The following FAM133B variants were observed in gnomAD, a reference collection of about 807,000 sequenced individuals.
The protein encoded by FAM133B is protein FAM133B.
A neutral mutation model predicts 46.4 loss-of-function variants in FAM133B; 25 were observed. That is an observed-to-expected ratio of 0.54 (90% CI 0.39 to 0.75). The LOEUF is 0.75. FAM133B is among the 30% of genes least tolerant of loss of function. FAM133B has a pLI of 0.00. For missense variants in FAM133B, 205 were observed against 277.6 expected (o/e 0.74, Z 1.86); for synonymous variants, 75 against 86.0 (o/e 0.87, Z 0.71).
At chr7:92,565,427 T>G (rs191139962) in intron 10 of FAM133B, 1 of 152,066 alleles carries the variant, frequency 6.6e-6, no homozygotes, top group East Asian at 1.9e-4. Flanking sequence ...GTGCTGGGAT[T>G]ACAGGCGTGA....
chr7:92,587,655 G>C (rs535975133), intron 1 of FAM133B, among the ~76,000 whole-genome samples: 1 of 152,106 alleles, frequency 6.6e-6, no homozygotes, highest in African/African-American at 2.4e-5. Context: ...CATCCCTTGA[G>C]CCTGGGAAGT....
chr7:92,585,073 CAA>C (rs1266945058), intron 1 of FAM133B, among the ~76,000 whole-genome samples: 2 of 152,176 alleles, frequency 1.3e-5, no homozygotes, highest in Non-Finnish European at 2.9e-5. Context: ...CTAACCTAAT[CAA>C]AGAGTATATC....
At position 92,577,597 on chromosome 7, in the gene FAM133B, C is replaced by T; in HGVS notation, c.372+58G>A. On this transcript the variant is annotated intron_variant, in intron 6 of 10. Transcript: ENST00000445716. ...ACAGATATTTCACAATGGGTTTCCA[C>T]TTGACATTAAAGAAATTAAGAGATA... The T allele has an allele frequency of 5.7e-6, 8 of 1,399,512 alleles. No homozygotes were observed. In the African/African-American group the frequency reaches 8.7e-5, roughly 15 times the overall value. The allele number at this position is 1,399,512 out of a possible 1,614,324, so 86.7% of individuals were successfully genotyped here.
At chr7:92,573,925 A>G (rs1794614048) in intron 8 of FAM133B, among the ~76,000 whole-genome samples, 1 of 152,014 alleles carries the variant, frequency 6.6e-6, no homozygotes, top group African/African-American at 2.4e-5. Flanking sequence ...CTCTCCCAGG[A>G]TAAAGTGTAG....
chr7:92,585,685 TAATA>T (rs1293903114), intron 1 of FAM133B, among the ~76,000 whole-genome samples: 1 of 152,162 alleles, frequency 6.6e-6, no homozygotes, highest in Non-Finnish European at 1.5e-5. Flanking sequence ...AGAATTATTT[TAATA>T]AATAACTAAA....
chr7:92,573,424 G>A (rs942633085), intron 8 of FAM133B, among the ~76,000 whole-genome samples: 8 of 150,362 alleles, frequency 5.3e-5, no homozygotes, highest in South Asian at 2.1e-4. Flanking sequence ...CAAAGTGTTC[G>A]GATTATAAGC....
intron 8 of FAM133B, among the ~76,000 whole-genome samples, chr7:92,574,854 G>A (rs900074154): frequency 3.5e-4 from 53 of 150,954 alleles, no homozygotes; most frequent in Non-Finnish European, 6.8e-4. Flanking sequence ...GCAGTGAGCC[G>A]AGATTGCGCC....
chr7:92,571,344 T>G (rs1481830044), intron 8 of FAM133B, among the ~76,000 whole-genome samples: 1 of 152,246 alleles, frequency 6.6e-6, no homozygotes, highest in Non-Finnish European at 1.5e-5. Flanking sequence ...CCAATTTGTC[T>G]GTGTATGTGT....
intron 7 of FAM133B, 93 bp downstream of exon 7, chr7:92,577,010 G>T: frequency 4.5e-6 from 3 of 665,540 alleles, no homozygotes; most frequent in Middle Eastern, 4.5e-4. Flanking sequence ...ACAAATATCA[G>T]ACTATCTTAT....
chr7:92,590,184 G>C, intron 1 of FAM133B, 84 bp downstream of exon 1: 7 of 1,607,226 alleles, frequency 4.4e-6, no homozygotes, highest in Non-Finnish European at 6.0e-6. Context: ...CTTGCCCTCC[G>C]GCCCGGCCGG....
intron 9 of FAM133B, among the ~76,000 whole-genome samples, chr7:92,569,037 T>C (rs1305313286): frequency 1.3e-5 from 2 of 152,076 alleles, no homozygotes; most frequent in Non-Finnish European, 2.9e-5. Flanking sequence ...TAGACAGAGA[T>C]AGAGCTGGGC....
intron 8 of FAM133B, 22 bp downstream of exon 8, chr7:92,575,749 G>A (rs187233489): frequency 4.0e-4 from 524 of 1,295,948 alleles, no homozygotes; most frequent in Admixed American, 7.2e-4. Context: ...ACTATCTTAA[G>A]GCAATGTAAA....
chr7:92,566,674 G>T (rs1794359353), intron 9 of FAM133B, among the ~76,000 whole-genome samples: 1 of 152,002 alleles, frequency 6.6e-6, no homozygotes, highest in Non-Finnish European at 1.5e-5. Context: ...GCTCTGAAAT[G>T]AGATAGATTC....
chr7:92,587,623 A>G (rs1795072253), intron 1 of FAM133B, among the ~76,000 whole-genome samples: 1 of 152,110 alleles, frequency 6.6e-6, no homozygotes, highest in East Asian at 1.9e-4. Context: ...GGTCCCAGCT[A>G]CTTGGGAGGC....
intron 10 of FAM133B, 154 bp downstream of exon 10, chr7:92,565,860 C>T: frequency 1.4e-6 from 1 of 700,678 alleles, no homozygotes; most frequent in Middle Eastern, 2.4e-4. Context: ...TTGACTTTCT[C>T]CTACCCATTA....
intron 1 of FAM133B, chr7:92,581,892 C>G (rs1350558204): frequency 1.1e-5 from 3 of 274,556 alleles, no homozygotes; most frequent in Non-Finnish European, 2.1e-5. Context: ...CTTTACAGCT[C>G]TTTCTCCTAA....
At chr7:92,586,131 T>C (rs1490142584) in intron 1 of FAM133B, among the ~76,000 whole-genome samples, 1 of 152,216 alleles carries the variant, frequency 6.6e-6, no homozygotes, top group Admixed American at 6.5e-5. Flanking sequence ...TAAAGTAGTA[T>C]ATTCACATGC....
chr7:92,585,609 T>G (rs1267446621), intron 1 of FAM133B, among the ~76,000 whole-genome samples: 1 of 152,190 alleles, frequency 6.6e-6, no homozygotes, highest in Non-Finnish European at 1.5e-5. Context: ...AGTAGATCCA[T>G]AGTTCCTGAT....
At chr7:92,566,277 C>T (rs1384101254) in intron 9 of FAM133B, among the ~76,000 whole-genome samples, 1 of 152,110 alleles carries the variant, frequency 6.6e-6, no homozygotes, top group Non-Finnish European at 1.5e-5. Context: ...CTCTAGACAG[C>T]TTCTCTTATA....
Sources: allele counts gnomAD v4.1 joint callset (sites outside exome capture counted in the v4.1 genomes callset), GRCh38; gene constraint gnomAD v4.1.1; transcripts MANE v1.5; gene names NCBI Gene and HGNC (gene_info 2026-07-23, HGNC 2026-07-21).